The following SEPTIN2 variants were observed in gnomAD, a reference collection of about 807,000 sequenced individuals.
The protein encoded by SEPTIN2 is septin-2.
In SEPTIN2, 34 loss-of-function variants were observed where a neutral mutation model predicts 46.5. That is an observed-to-expected ratio of 0.73 (90% CI 0.56 to 0.97). The LOEUF is 0.97. SEPTIN2 is among the 50% of genes least tolerant of loss of function. The probability of loss-of-function intolerance (pLI) is 0.00; values close to 1 mark genes in which losing one functional copy is unlikely to be tolerated. For missense variants in SEPTIN2, 347 were observed against 448.4 expected (o/e 0.77, Z 2.04); for synonymous variants, 175 against 153.4 (o/e 1.14, Z -1.04).
At position 241,345,860 on chromosome 2, in the gene SEPTIN2, G is replaced by C. The variant is rs536999088; in HGVS notation, c.843-306G>C. Among the ~76,000 whole-genome samples, 756 of 152,274 alleles carry C rather than the reference G, an allele frequency of 5.0e-3. 2 individuals are homozygous for C. Among genetic ancestry groups the C allele is most frequent in the Non-Finnish European group, 8.1e-3 (548 of 68,020 alleles). ...TTGACCTGAAAATCTCTTAAAATCT[G>C]TCTGCCATCCTGTGGTAGTGATGGC... On this transcript the variant is annotated intron_variant, in intron 9 of 12. Coordinates refer to ENST00000391971, the MANE Select transcript of SEPTIN2 (RefSeq NM_004404.5).
In SEPTIN2 at chr2:241,343,909, G is replaced by A; in HGVS notation, c.842+12G>A. ...AGAACCATGCTCATGTAAGACATTT[G>A]GTGTGTTCCTTCTGGCAGAATTTGG... On this transcript the variant is annotated intron_variant, in intron 9 of 12. Transcript: ENST00000391971. The A allele has an allele frequency of 6.2e-7, 1 of 1,613,500 alleles. No homozygotes were observed. Among genetic ancestry groups the A allele is most frequent in the Non-Finnish European group, 8.5e-7 (1 of 1,179,508 alleles).
chr2:241,350,642 G>T (rs1025371662), intron 12 of SEPTIN2, among the ~76,000 whole-genome samples: 5 of 152,232 alleles, frequency 3.3e-5, no homozygotes, highest in East Asian at 1.9e-4. Context: ...CAAGGAAGAA[G>T]AATTATGTGA....
intron 11 of SEPTIN2, 28 bp downstream of exon 11, chr2:241,348,219 TG>T (rs771272968): frequency 9.4e-6 from 15 of 1,594,720 alleles, no homozygotes; most frequent in African/African-American, 1.3e-5. Context: ...ATTGGTTGGT[TG>T]GTTGGTTGGT....
intron 1 of SEPTIN2, among the ~76,000 whole-genome samples, chr2:241,318,935 A>T (rs941176591): frequency 6.6e-6 from 1 of 152,028 alleles, no homozygotes; most frequent in Non-Finnish European, 1.5e-5. Context: ...TGACCTCGTG[A>T]TATGCCCGTC....
intron 1 of SEPTIN2, 76 bp from the exon 2 acceptor site, chr2:241,324,140 C>A (rs976709920): frequency 4.7e-5 from 65 of 1,372,956 alleles, no homozygotes; most frequent in Non-Finnish European, 6.2e-5. Context: ...TCAGTTCACG[C>A]TGTTAAATAT....
intron 3 of SEPTIN2, among the ~76,000 whole-genome samples, chr2:241,333,351 G>A (rs541716154): frequency 2.0e-5 from 3 of 152,242 alleles, no homozygotes; most frequent in Admixed American, 6.5e-5. Context: ...TTGCACCACC[G>A]TTTATTAAAA....
intron 1 of SEPTIN2, among the ~76,000 whole-genome samples, chr2:241,322,489 C>T (rs2077277448): frequency 6.6e-6 from 1 of 151,878 alleles, no homozygotes; most frequent in Admixed American, 6.6e-5. Context: ...CGCCTGTAGT[C>T]CCAGCTACTC....
Position 241,336,099 on chromosome 2 carries a change from G to A in SEPTIN2, c.341+1G>A, listed in dbSNP as rs773934980. On this transcript the variant is annotated splice_donor_variant, in intron 5 of 12. Transcript: ENST00000391971. LOFTEE classifies it high-confidence loss of function. ...GTGACGCTATCAACTGCAGAGATTG[G>A]TATGCTCCCCCATGCCCAGGGATCT... The A allele has an allele frequency of 1.2e-6, 2 of 1,613,744 alleles. No homozygotes were observed. The highest frequency in any genetic ancestry group is 8.5e-7 in the Non-Finnish European group (1 of 1,179,736).
chr2:241,325,320 C>G (rs757416376), intron 2 of SEPTIN2: 2 of 152,188 alleles, frequency 1.3e-5, no homozygotes, highest in Non-Finnish European at 2.9e-5. Flanking sequence ...TCTCTGTCCT[C>G]TCTCTCATCA....
intron 2 of SEPTIN2, chr2:241,325,085 AG>A (rs999342136): frequency 3.3e-5 from 5 of 152,036 alleles, no homozygotes; most frequent in Non-Finnish European, 7.4e-5. Flanking sequence ...CAAAAAAAAA[AG>A]TCATTATTTC....
intron 3 of SEPTIN2, among the ~76,000 whole-genome samples, chr2:241,329,803 GC>G (rs2078682927): frequency 6.6e-6 from 1 of 152,170 alleles, no homozygotes; most frequent in Admixed American, 6.5e-5. Flanking sequence ...AGAGGCAAAG[GC>G]AGAGGAGAAC....
At chr2:241,348,673 A>G (rs1161023234) in intron 11 of SEPTIN2, among the ~76,000 whole-genome samples, 2 of 152,140 alleles carry the variant, frequency 1.3e-5, no homozygotes, top group Admixed American at 1.3e-4. Context: ...ACACATCTAT[A>G]TATAATAATA....
chr2:241,347,517 T>A (rs2060367732), intron 10 of SEPTIN2, among the ~76,000 whole-genome samples: 1 of 152,180 alleles, frequency 6.6e-6, no homozygotes, highest in South Asian at 2.1e-4. Flanking sequence ...CTCACGCAGA[T>A]CCTGCTCCTT....
chr2:241,317,664 C>T (rs2076564034), intron 1 of SEPTIN2: 2 of 597,394 alleles, frequency 3.3e-6, no homozygotes, highest in South Asian at 1.5e-4. Flanking sequence ...TGCCCCAGTC[C>T]CTGTTAGGAG....
At chr2:241,339,283 C>G (rs2080922726) in intron 7 of SEPTIN2, among the ~76,000 whole-genome samples, 1 of 150,706 alleles carries the variant, frequency 6.6e-6, no homozygotes, top group African/African-American at 2.4e-5. Context: ...GTCCCAGCCA[C>G]TCAGGAGGCT....
chr2:241,315,878 C>CGCTGG (rs1417251293), upstream of SEPTIN2: 6 of 139,244 alleles, frequency 4.3e-5, no homozygotes, highest in East Asian at 4.4e-4. Context: ...TCCGCCTGCG[C>CGCTGG]GCTGGGCGGG....
In SEPTIN2 at chr2:241,337,660, A is replaced by C; in HGVS notation, c.477-13A>C. ...TTTTTTTAAATAAGTGACAATTCTA[A>C]AATTAATTTTAGACTTAAGCCCTTA... is the stretch of plus-strand genomic sequence containing the variant. On this transcript the variant is annotated splice_polypyrimidine_tract_variant and intron_variant, in intron 6 of 12. Transcript: ENST00000391971. 6.2e-7 allele frequency: 1 copy of C among 1,600,780 alleles called. No homozygotes were observed. The highest frequency in any genetic ancestry group is 1.7e-5 in the Admixed American group (1 of 57,802).
Position 241,315,948 on chromosome 2 carries a change from G to C in SEPTIN2, c.-52G>C, listed in dbSNP as rs1429300985. 1 of 152,260 alleles carries C rather than the reference G, an allele frequency of 6.6e-6. No individual in the cohort carries two copies. The highest frequency in any genetic ancestry group is 2.4e-5 in the African/African-American group (1 of 41,436). 9.4% of individuals were successfully genotyped at this position (152,260 alleles called of 1,614,324 possible). A position where few individuals can be genotyped will look rare whatever the true frequency, so the allele number is the denominator to read the frequency against. On this transcript the variant is annotated 5_prime_UTR_variant, in exon 1 of 13. Coordinates refer to ENST00000391971, the MANE Select transcript of SEPTIN2 (RefSeq NM_004404.5). ...CGAGCGCTGGGCGGGTCCGCGGCGC[G>C]GTCGGTCGGCGCCTGTTCTCGGGCT...
At chr2:241,316,833 A>T (rs553733989) in intron 1 of SEPTIN2, 1 of 312,368 alleles carries the variant, frequency 3.2e-6, no homozygotes, top group African/African-American at 2.2e-5. Context: ...CAAACTCTTA[A>T]ATCTGGCTAC....
Sources: gnomAD v4.1 joint callset for allele counts (sites outside exome capture counted in the v4.1 genomes callset) on GRCh38, gnomAD v4.1.1 for gene constraint, MANE v1.5 for transcripts, NCBI Gene and HGNC (gene_info 2026-07-23, HGNC 2026-07-21) for gene names.